Variants in TRDN observed in about 807,000 individuals in gnomAD.
TRDN encodes the protein triadin.
A neutral mutation model predicts 149.7 loss-of-function variants in TRDN; 161 were observed. That is an observed-to-expected ratio of 1.08 (90% CI 0.95 to 1.23). TRDN has a LOEUF of 1.23. TRDN is among the 50% of genes most tolerant of loss of function. TRDN has a pLI of 0.00. For synonymous variants in TRDN, 294 were observed against 250.5 expected (o/e 1.17, Z -1.64); for missense variants, 896 against 823.5 (o/e 1.09, Z -1.08).
intron 9 of TRDN, among the ~76,000 whole-genome samples, chr6:123,489,187 A>AT (rs978696228): frequency 3.3e-5 from 5 of 151,752 alleles, no homozygotes; most frequent in African/African-American, 9.7e-5. Context: ...TACGAGTACT[A>AT]TTTTTTTTGC....
intron 8 of TRDN, among the ~76,000 whole-genome samples, chr6:123,499,959 C>A (rs1488710850): frequency 6.6e-6 from 1 of 151,236 alleles, no homozygotes; most frequent in Non-Finnish European, 1.5e-5. Context: ...ACTTGAACAT[C>A]TGTGGATTTT....
chr6:123,632,548 C>T (rs972721803), intron 1 of TRDN, among the ~76,000 whole-genome samples: 1 of 152,082 alleles, frequency 6.6e-6, no homozygotes, highest in Admixed American at 6.6e-5. Context: ...TGGTACTCCT[C>T]TTTTGAATAG....
chr6:123,398,096 C>T lies in TRDN; in HGVS notation c.1052-4419G>A, dbSNP rs75050527. On this transcript the variant is annotated intron_variant, in intron 12 of 40. Transcript: ENST00000334268. ...CTTGGCTCACTGCAACCTCCGCCTCCGGAGTTCAGGCAATTCTCCTGCCTC... is the reference window on the plus strand; with the variant it reads ...CTTGGCTCACTGCAACCTCCGCCTCTGGAGTTCAGGCAATTCTCCTGCCTC... Among the ~76,000 whole-genome samples the T allele has an allele frequency of 3.1e-3, 475 of 152,348 alleles. 13 individuals are homozygous for T. In the East Asian group the frequency reaches 0.076, roughly 24 times the overall value.
intron 34 of TRDN, among the ~76,000 whole-genome samples, chr6:123,260,106 C>T (rs1776710776): frequency 6.6e-6 from 1 of 151,868 alleles, no homozygotes; most frequent in Non-Finnish European, 1.5e-5. Context: ...CCACTTCCTC[C>T]CCTTTTCTTT....
At chr6:123,595,332 CT>C (rs1783980336) in intron 1 of TRDN, among the ~76,000 whole-genome samples, 1 of 152,066 alleles carries the variant, frequency 6.6e-6, no homozygotes, top group East Asian at 1.9e-4. Flanking sequence ...TTATATGACA[CT>C]TTCTGCAGTC....
intron 38 of TRDN, among the ~76,000 whole-genome samples, chr6:123,251,417 C>T (rs928308104): frequency 6.6e-6 from 1 of 151,330 alleles, no homozygotes; most frequent in Admixed American, 6.6e-5. Context: ...AATCTCAATA[C>T]AAAAAAAGAA....
intron 23 of TRDN, among the ~76,000 whole-genome samples, chr6:123,327,940 A>G (rs1251642789): frequency 6.6e-6 from 1 of 152,188 alleles, no homozygotes; most frequent in Non-Finnish European, 1.5e-5. Context: ...CATATATGTG[A>G]TCATATTACA....
chr6:123,475,928 T>C (rs1320430975), intron 9 of TRDN, among the ~76,000 whole-genome samples: 3 of 149,370 alleles, frequency 2.0e-5, no homozygotes, highest in Non-Finnish European at 4.5e-5. Flanking sequence ...AAGAGCTATC[T>C]ATGACAAACC....
chr6:123,513,651 GATAAGAAA>G (rs1237228634), intron 6 of TRDN, among the ~76,000 whole-genome samples: 2 of 151,928 alleles, frequency 1.3e-5, no homozygotes, highest in African/African-American at 4.8e-5. Flanking sequence ...AAGAAAATAA[GATAAGAAA>G]ATAAGAAAAT....
At chr6:123,222,541 T>C (rs1775187221) in intron 39 of TRDN, among the ~76,000 whole-genome samples, 1 of 151,642 alleles carries the variant, frequency 6.6e-6, no homozygotes, top group Non-Finnish European at 1.5e-5. Flanking sequence ...TTAATACAAG[T>C]GTAAATCTCA....
intron 37 of TRDN, among the ~76,000 whole-genome samples, chr6:123,252,688 A>G (rs1011672095): frequency 6.6e-6 from 1 of 152,046 alleles, no homozygotes; most frequent in Non-Finnish European, 1.5e-5. Context: ...AATCACAGCC[A>G]CAGCTCACTG....
chr6:123,364,396 T>TGA (rs1276047669), intron 20 of TRDN, among the ~76,000 whole-genome samples: 2 of 152,162 alleles, frequency 1.3e-5, no homozygotes, highest in African/African-American at 4.8e-5. Flanking sequence ...TCCAACACTT[T>TGA]GAGAGGCTGA....
At chr6:123,341,249 C>T (rs1275258277) in intron 21 of TRDN, among the ~76,000 whole-genome samples, 1 of 142,966 alleles carries the variant, frequency 7.0e-6, no homozygotes, top group Non-Finnish European at 1.5e-5. Flanking sequence ...TTACTGTAGA[C>T]ACTTCATTAA....
At chr6:123,526,812 A>G (rs1779973431) in intron 5 of TRDN, among the ~76,000 whole-genome samples, 2 of 151,998 alleles carry the variant, frequency 1.3e-5, no homozygotes, top group Admixed American at 6.6e-5. Context: ...CTATGATGAG[A>G]CAGATATCAA....
chr6:123,221,119 AT>A (rs1291035712), intron 40 of TRDN, among the ~76,000 whole-genome samples: 2 of 151,706 alleles, frequency 1.3e-5, no homozygotes, highest in Non-Finnish European at 3.0e-5. Flanking sequence ...CTATTTCTTC[AT>A]TTTTTCTACC....
chr6:123,226,101 C>A (rs926159769), intron 38 of TRDN, among the ~76,000 whole-genome samples: 2 of 151,590 alleles, frequency 1.3e-5, no homozygotes, highest in African/African-American at 2.4e-5. Context: ...ATTTTTTTTA[C>A]TATATATTAT....
intron 1 of TRDN, among the ~76,000 whole-genome samples, chr6:123,622,939 C>A (rs1201212639): frequency 6.6e-6 from 1 of 152,142 alleles, no homozygotes; most frequent in Non-Finnish European, 1.5e-5. Context: ...TGCTATTTAG[C>A]TTGTGTAAAA....
At chr6:123,395,208 C>A (rs2114466886) in intron 12 of TRDN, among the ~76,000 whole-genome samples, 1 of 152,152 alleles carries the variant, frequency 6.6e-6, no homozygotes, top group Admixed American at 6.6e-5. Flanking sequence ...TTCCTCTTAT[C>A]TTCTCCTTTT....
intron 13 of TRDN, among the ~76,000 whole-genome samples, chr6:123,391,760 T>C (rs997653354): frequency 2.0e-5 from 3 of 152,028 alleles, no homozygotes; most frequent in African/African-American, 7.2e-5. Flanking sequence ...AATAAATAAA[T>C]GAACAGATCT....
Sources: gnomAD v4.1 joint callset for allele counts (sites outside exome capture counted in the v4.1 genomes callset) on GRCh38, gnomAD v4.1.1 for gene constraint, MANE v1.5 for transcripts, NCBI Gene and HGNC (gene_info 2026-07-23, HGNC 2026-07-21) for gene names.